MAGI2: variants seen among roughly 807,000 people sequenced by gnomAD.
MAGI2 encodes the protein membrane-associated guanylate kinase, WW and PDZ domain-containing protein 2.
A neutral mutation model predicts 133.3 loss-of-function variants in MAGI2; 35 were observed. The ratio of observed to expected loss-of-function variants is 0.26; its 90% confidence interval spans 0.20 to 0.35. The LOEUF (loss-of-function observed/expected upper bound fraction) is 0.35, where lower values mean the gene tolerates loss of function less well. MAGI2 is among the 10% of genes least tolerant of loss of function. The pLI is 1.00. For missense variants in MAGI2, 1,636 were observed against 1,863.4 expected (o/e 0.88, Z 2.25); for synonymous variants, 729 against 710.6 (o/e 1.03, Z -0.41).
chr7:79,400,283 T>A (rs1342069477), intron 1 of MAGI2, among the ~76,000 whole-genome samples: 1 of 152,166 alleles, frequency 6.6e-6, no homozygotes, highest in Non-Finnish European at 1.5e-5. Flanking sequence ...TAAAAAACTT[T>A]ATAAGGTATA....
intron 1 of MAGI2, among the ~76,000 whole-genome samples, chr7:79,110,978 C>T (rs1818880761): frequency 6.6e-6 from 1 of 152,112 alleles, no homozygotes; most frequent in Non-Finnish European, 1.5e-5. Flanking sequence ...TTGCCTCCTG[C>T]CATCAGTAAA....
intron 2 of MAGI2, among the ~76,000 whole-genome samples, chr7:78,951,005 T>C (rs1801830299): frequency 7.1e-6 from 1 of 141,242 alleles, no homozygotes. Flanking sequence ...GGAGTCTTCC[T>C]CTGTCACCCA....
At chr7:78,954,884 A>G (rs76942011) in intron 2 of MAGI2, among the ~76,000 whole-genome samples, 1 of 152,076 alleles carries the variant, frequency 6.6e-6, no homozygotes, top group Non-Finnish European at 1.5e-5. Context: ...AATCAATATA[A>G]AAAAAGAGGT....
At chr7:78,590,359 C>T (rs1431900048) in intron 3 of MAGI2, among the ~76,000 whole-genome samples, 3 of 152,098 alleles carry the variant, frequency 2.0e-5, no homozygotes, top group African/African-American at 7.2e-5. Context: ...GATCTCCAGT[C>T]TCATCAAGGA....
intron 2 of MAGI2, among the ~76,000 whole-genome samples, chr7:78,961,950 C>T (rs910401654): frequency 1.3e-5 from 2 of 151,730 alleles, no homozygotes; most frequent in African/African-American, 4.8e-5. Context: ...AGGCCATAAA[C>T]TTATACAGTA....
At chr7:78,742,585 TA>T (rs1488161789) in intron 2 of MAGI2, among the ~76,000 whole-genome samples, 1 of 152,204 alleles carries the variant, frequency 6.6e-6, no homozygotes, top group African/African-American at 2.4e-5. Flanking sequence ...CCATCTTTGT[TA>T]AAAGAAGAAT....
At chr7:78,049,731 G>A (rs372742053) in intron 21 of MAGI2, among the ~76,000 whole-genome samples, 1 of 152,294 alleles carries the variant, frequency 6.6e-6, no homozygotes, top group East Asian at 1.9e-4. Context: ...CAGTTGACGA[G>A]ACTGTATCCT....
intron 2 of MAGI2, among the ~76,000 whole-genome samples, chr7:78,877,117 T>C (rs1350107454): frequency 6.6e-6 from 1 of 152,194 alleles, no homozygotes; most frequent in Non-Finnish European, 1.5e-5. Context: ...AATCTTTGTT[T>C]AGGGAGTGTT....
chr7:78,633,891 TAA>T (rs938503656), intron 2 of MAGI2, among the ~76,000 whole-genome samples: 4 of 152,184 alleles, frequency 2.6e-5, no homozygotes, highest in Admixed American at 2.6e-4. Flanking sequence ...ATAATAGACA[TAA>T]AAGGGCATTA....
intron 2 of MAGI2, among the ~76,000 whole-genome samples, chr7:78,650,667 TA>T (rs56833435): frequency 0.58 from 88,335 of 152,000 alleles, 25,873 homozygotes; most frequent in East Asian, 0.75. Flanking sequence ...AATGAAAATA[TA>T]ATCATTACCA....
chr7:79,219,616 C>T (rs1830286546), intron 1 of MAGI2, among the ~76,000 whole-genome samples: 1 of 151,994 alleles, frequency 6.6e-6, no homozygotes, highest in African/African-American at 2.4e-5. Context: ...AAGACATTTA[C>T]CTTTTAAGAT....
intron 9 of MAGI2, among the ~76,000 whole-genome samples, chr7:78,299,624 G>T (rs1286419647): frequency 6.6e-6 from 1 of 152,038 alleles, no homozygotes; most frequent in Non-Finnish European, 1.5e-5. Context: ...AAGTTTAGGG[G>T]TACATGTACA....
chr7:78,584,997 T>C (rs1025063639), intron 3 of MAGI2, among the ~76,000 whole-genome samples: 2 of 152,180 alleles, frequency 1.3e-5, no homozygotes, highest in African/African-American at 4.8e-5. Flanking sequence ...TACTAGGATT[T>C]AAAGATGTTT....
At chr7:79,245,913 G>C (rs1257622315) in intron 1 of MAGI2, among the ~76,000 whole-genome samples, 1 of 152,184 alleles carries the variant, frequency 6.6e-6, no homozygotes, top group Non-Finnish European at 1.5e-5. Context: ...CCCAGCACCA[G>C]GCAGCCCAGC....
At chr7:78,407,065 G>A (rs190338229) in intron 6 of MAGI2, among the ~76,000 whole-genome samples, 1 of 152,178 alleles carries the variant, frequency 6.6e-6, no homozygotes, top group East Asian at 1.9e-4. Flanking sequence ...TTTATACATT[G>A]ATTTTACAAA....
intron 1 of MAGI2, among the ~76,000 whole-genome samples, chr7:79,143,095 T>C (rs1006858624): frequency 6.6e-6 from 1 of 152,224 alleles, no homozygotes; most frequent in African/African-American, 2.4e-5. Context: ...GCTTTTAAAC[T>C]CTCTTCATTT....
At chr7:79,028,316 CACATATATATACATAT>C (rs1562805672) in intron 1 of MAGI2, among the ~76,000 whole-genome samples, 31 of 122,782 alleles carry the variant, frequency 2.5e-4, no homozygotes, top group Middle Eastern at 4.0e-3. Flanking sequence ...TATATATACA[CACATATATATACATAT>C]ATATACACAC....
At chr7:79,370,526 G>A (rs540247622) in intron 1 of MAGI2, among the ~76,000 whole-genome samples, 22 of 152,128 alleles carry the variant, frequency 1.4e-4, no homozygotes, top group African/African-American at 3.9e-4. Context: ...AGCAAGAAAA[G>A]TAAAGGATCA....
At chr7:78,835,916 C>T (rs1239389196) in intron 2 of MAGI2, among the ~76,000 whole-genome samples, 2 of 152,208 alleles carry the variant, frequency 1.3e-5, no homozygotes, top group Non-Finnish European at 2.9e-5. Context: ...GCTTGCTTAT[C>T]CTCTATTCTA....
Sources: gnomAD v4.1 joint callset for allele counts (sites outside exome capture counted in the v4.1 genomes callset) on GRCh38, gnomAD v4.1.1 for gene constraint, MANE v1.5 for transcripts, NCBI Gene and HGNC (gene_info 2026-07-23, HGNC 2026-07-21) for gene names.